The following GPC5 variants were observed in gnomAD, a reference collection of about 807,000 sequenced individuals.
GPC5 encodes the protein glypican 5.
A neutral mutation model predicts 53.9 loss-of-function variants in GPC5; 47 were observed. The ratio of observed to expected loss-of-function variants is 0.87; its 90% CI spans 0.69 to 1.11. The LOEUF (loss-of-function observed/expected upper bound fraction) is 1.11. Ranked by LOEUF, GPC5 falls within the 50% of genes most tolerant of loss-of-function variation. The pLI is 0.00. For synonymous variants in GPC5, 286 were observed against 263.3 expected (o/e 1.09, Z -0.84); for missense variants, 748 against 713.1 (o/e 1.05, Z -0.56).
At chr13:92,391,673 T>C (rs1875009599) in intron 7 of GPC5, among the ~76,000 whole-genome samples, 1 of 152,212 alleles carries the variant, frequency 6.6e-6, no homozygotes, top group Non-Finnish European at 1.5e-5. Flanking sequence ...ATTCTAATTT[T>C]TACTTTAATA....
chr13:92,840,094 T>TATATATATATAC (rs1566440582), intron 7 of GPC5, among the ~76,000 whole-genome samples: 2 of 64,966 alleles, frequency 3.1e-5, no homozygotes, highest in African/African-American at 1.2e-4. Flanking sequence ...TATATATATA[T>TATATATATATAC]ATATATATAT....
chr13:92,205,185 G>GT (rs1293560604), intron 7 of GPC5, among the ~76,000 whole-genome samples: 2 of 151,458 alleles, frequency 1.3e-5, no homozygotes, highest in African/African-American at 2.4e-5. Flanking sequence ...GCCCTGTTTT[G>GT]TTTTTTTGTT....
rs183367911 is a variant in GPC5 at position 92,023,631 on chromosome 13, A to G, written c.1401+115574A>G. Among the ~76,000 whole-genome samples, 6 of 150,816 alleles carry G rather than the reference A, an allele frequency of 4.0e-5. No homozygotes were observed. The Admixed American group carries it at 4.0e-4, about 10-fold the overall frequency. On this transcript the variant is annotated intron_variant, in intron 6 of 7. Coordinates refer to ENST00000377067, the MANE Select transcript of GPC5 (RefSeq NM_004466.6). ...CTGTGATATTTTAATTGAAACTTAGATCTTTTTGTCCTTAAAAATCCTCCT... is the reference window on the plus strand; with the variant it reads ...CTGTGATATTTTAATTGAAACTTAGGTCTTTTTGTCCTTAAAAATCCTCCT...
intron 2 of GPC5, among the ~76,000 whole-genome samples, chr13:91,641,399 G>C (rs1244986381): frequency 1.3e-5 from 2 of 152,174 alleles, no homozygotes; most frequent in African/African-American, 2.4e-5. Context: ...GTTTATAAGT[G>C]GGAGCTAAAC....
At chr13:92,231,416 C>T (rs919328136) in intron 7 of GPC5, among the ~76,000 whole-genome samples, 1 of 152,250 alleles carries the variant, frequency 6.6e-6, no homozygotes, top group African/African-American at 2.4e-5. Flanking sequence ...ATATAGTCAA[C>T]AAAATGCTAA....
At chr13:92,679,088 C>G (rs1384317812) in intron 7 of GPC5, among the ~76,000 whole-genome samples, 1 of 152,106 alleles carries the variant, frequency 6.6e-6, no homozygotes, top group African/African-American at 2.4e-5. Flanking sequence ...ATATCTAAAT[C>G]TGAGTTCGGG....
chr13:92,026,876 A>C (rs1163250376), intron 6 of GPC5, among the ~76,000 whole-genome samples: 1 of 152,162 alleles, frequency 6.6e-6, no homozygotes, highest in African/African-American at 2.4e-5. Flanking sequence ...GAGTCTAAAA[A>C]TTTCAGATGG....
At chr13:91,886,539 A>G (rs1399061404) in intron 5 of GPC5, among the ~76,000 whole-genome samples, 2 of 152,206 alleles carry the variant, frequency 1.3e-5, no homozygotes, top group African/African-American at 4.8e-5. Context: ...CCAAAGTCTC[A>G]TCTGAGACAA....
intron 7 of GPC5, among the ~76,000 whole-genome samples, chr13:92,564,409 C>T (rs1321606987): frequency 6.6e-6 from 1 of 151,940 alleles, no homozygotes; most frequent in Non-Finnish European, 1.5e-5. Context: ...GAGAGTTGTC[C>T]ATGTGTTTTG....
intron 2 of GPC5, among the ~76,000 whole-genome samples, chr13:91,584,254 T>C (rs769857051): frequency 2.5e-4 from 38 of 152,184 alleles, no homozygotes; most frequent in Non-Finnish European, 1.3e-4. Flanking sequence ...TTTGCGAAGT[T>C]ACAGTAAATA....
At chr13:92,698,752 C>T (rs1448489133) in intron 7 of GPC5, among the ~76,000 whole-genome samples, 1 of 152,196 alleles carries the variant, frequency 6.6e-6, no homozygotes, top group East Asian at 1.9e-4. Flanking sequence ...CCGACTTCCA[C>T]AATGGTTGAA....
In GPC5 at chr13:92,769,182, G is replaced by A. The variant is rs149170452; in HGVS notation, c.1562-97100G>A. On this transcript the variant is annotated intron_variant, in intron 7 of 7. Coordinates refer to ENST00000377067, the MANE Select transcript of GPC5 (RefSeq NM_004466.6). ...TATTGTATTAATTGCTACTTTTTGT[G>A]CACTGGCAAGCTTAAGAAAAGTGCT... Among the ~76,000 whole-genome samples the A allele has an allele frequency of 2.5e-3, 376 of 152,218 alleles. 1 individual carries two copies. Among genetic ancestry groups the A allele is most frequent in the African/African-American group, 8.7e-3 (362 of 41,528 alleles).
chr13:92,166,958 A>ATCTCTCTCT (rs1566465872), intron 7 of GPC5, among the ~76,000 whole-genome samples: 2 of 65,530 alleles, frequency 3.1e-5, no homozygotes, highest in African/African-American at 9.8e-5. Flanking sequence ...TCTCTCTCTC[A>ATCTCTCTCT]CACACACACA....
At chr13:92,535,744 A>G (rs760763459) in intron 7 of GPC5, among the ~76,000 whole-genome samples, 1 of 151,996 alleles carries the variant, frequency 6.6e-6, no homozygotes, top group East Asian at 1.9e-4. Flanking sequence ...CTTACTTTGC[A>G]CATAGCTTTT....
intron 7 of GPC5, among the ~76,000 whole-genome samples, chr13:92,417,075 G>T (rs1363436935): frequency 6.6e-6 from 1 of 152,166 alleles, no homozygotes. Context: ...AAGTCACGCC[G>T]TTGTAAGTCA....
intron 6 of GPC5, among the ~76,000 whole-genome samples, chr13:92,054,762 G>A (rs1002311845): frequency 3.3e-5 from 5 of 152,146 alleles, no homozygotes; most frequent in African/African-American, 9.7e-5. Flanking sequence ...AGATCATGCT[G>A]CAGTTCTTCC....
intron 7 of GPC5, among the ~76,000 whole-genome samples, chr13:92,663,869 T>C (rs981853238): frequency 5.3e-4 from 4 of 7,484 alleles, no homozygotes; most frequent in Non-Finnish European, 1.7e-3. Flanking sequence ...TATATATATA[T>C]ATATATATAT....
chr13:91,421,167 G>A (rs1291944279), intron 1 of GPC5, among the ~76,000 whole-genome samples: 1 of 152,092 alleles, frequency 6.6e-6, no homozygotes, highest in East Asian at 1.9e-4. Flanking sequence ...ACACTTCCAA[G>A]GATTTTAGCA....
chr13:92,718,158 T>C (rs1392803112), intron 7 of GPC5, among the ~76,000 whole-genome samples: 1 of 152,090 alleles, frequency 6.6e-6, no homozygotes, highest in Non-Finnish European at 1.5e-5. Context: ...CTCATAAAAC[T>C]AAAAATAGAA....
Sources: allele counts gnomAD v4.1 joint callset (sites outside exome capture counted in the v4.1 genomes callset), GRCh38; gene constraint gnomAD v4.1.1; transcripts MANE v1.5; gene names NCBI Gene and HGNC (gene_info 2026-07-23, HGNC 2026-07-21).